The following PRDM5 variants were observed in gnomAD, a reference collection of about 807,000 sequenced individuals.
PRDM5 encodes PR/SET domain 5.
A neutral mutation model predicts 81.2 loss-of-function variants in PRDM5; 56 were observed. That is an observed-to-expected ratio of 0.69 (90% CI 0.56 to 0.86). The LOEUF is 0.86. Ranked by LOEUF, PRDM5 falls within the 40% of genes least tolerant of loss-of-function variation. The pLI, the probability that PRDM5 is intolerant of heterozygous loss-of-function variation, is 0.00. For missense variants in PRDM5, 697 were observed against 770.1 expected (o/e 0.91, Z 1.12); for synonymous variants, 267 against 256.4 (o/e 1.04, Z -0.39).
At chr4:120,691,186 T>C (rs1019559401), downstream of PRDM5, among the ~76,000 whole-genome samples, 4 of 152,134 alleles carry the variant, frequency 2.6e-5, no homozygotes, top group Non-Finnish European at 5.9e-5. Flanking sequence ...ATATAAGTAG[T>C]TGTTACATTC....
At chr4:120,916,576 A>G (rs1724200183) in intron 1 of PRDM5, among the ~76,000 whole-genome samples, 1 of 152,208 alleles carries the variant, frequency 6.6e-6, no homozygotes, top group Non-Finnish European at 1.5e-5. Flanking sequence ...GTGACATTTT[A>G]AAGAATGGGA....
chr4:120,806,512 T>C (rs558414285), intron 8 of PRDM5, among the ~76,000 whole-genome samples: 1 of 152,048 alleles, frequency 6.6e-6, no homozygotes, highest in Admixed American at 6.5e-5. Context: ...TATAGACCAA[T>C]GGAACAGAAC....
intron 14 of PRDM5, among the ~76,000 whole-genome samples, chr4:120,728,533 A>G (rs1224787898): frequency 6.6e-6 from 1 of 152,192 alleles, no homozygotes; most frequent in Non-Finnish European, 1.5e-5. Flanking sequence ...AATATTCATA[A>G]AAAGACTCGT....
At chr4:120,861,234 C>T (rs1760533595) in intron 2 of PRDM5, among the ~76,000 whole-genome samples, 1 of 152,122 alleles carries the variant, frequency 6.6e-6, no homozygotes, top group South Asian at 2.1e-4. Context: ...TCTCAAACTC[C>T]TGACCTCAAG....
At chr4:120,744,893 T>C (rs908925319) in intron 14 of PRDM5, among the ~76,000 whole-genome samples, 17 of 124,474 alleles carry the variant, frequency 1.4e-4, no homozygotes, top group Non-Finnish European at 2.9e-4. Context: ...ACTATTCCAA[T>C]CAATAGAAAA....
chr4:120,691,463 A>T (rs1396189013), downstream of PRDM5, among the ~76,000 whole-genome samples: 4 of 152,152 alleles, frequency 2.6e-5, no homozygotes, highest in Admixed American at 2.6e-4. Context: ...ATCTCACAAG[A>T]TTGGGGCAAC....
At chr4:120,847,969 C>A (rs1758846174) in intron 3 of PRDM5, among the ~76,000 whole-genome samples, 1 of 152,150 alleles carries the variant, frequency 6.6e-6, no homozygotes, top group Non-Finnish European at 1.5e-5. Context: ...CTACACCCAA[C>A]CTGACAGGCT....
intron 14 of PRDM5, among the ~76,000 whole-genome samples, chr4:120,743,299 C>A (rs1348082116): frequency 6.6e-6 from 1 of 151,734 alleles, no homozygotes; most frequent in Non-Finnish European, 1.5e-5. Flanking sequence ...AGGAAAGGAA[C>A]AACCGGTACC....
At chr4:120,849,899 T>A (rs147487477) in intron 3 of PRDM5, among the ~76,000 whole-genome samples, 1 of 152,166 alleles carries the variant, frequency 6.6e-6, no homozygotes, top group African/African-American at 2.4e-5. Flanking sequence ...CTAGCCATAG[T>A]TGGAAACTTT....
At chr4:120,755,211 C>T (rs1744558979) in intron 13 of PRDM5, among the ~76,000 whole-genome samples, 1 of 152,144 alleles carries the variant, frequency 6.6e-6, no homozygotes. Context: ...CACCTAGAGG[C>T]TATAATTTTG....
chr4:120,799,602 G>T, intron 9 of PRDM5, 59 bp downstream of exon 9: 1 of 1,583,686 alleles, frequency 6.3e-7, no homozygotes, highest in Non-Finnish European at 8.6e-7. Flanking sequence ...TTTATAAAAA[G>T]TGACAATGTA....
chr4:120,847,120 C>G (rs17051268), intron 3 of PRDM5, among the ~76,000 whole-genome samples: 18,248 of 152,074 alleles, frequency 0.12, 1,302 homozygotes, highest in East Asian at 0.16. Flanking sequence ...ATTCTCCCCA[C>G]TGATCACTGC....
At chr4:120,741,684 A>C (rs1392370307) in intron 14 of PRDM5, among the ~76,000 whole-genome samples, 2 of 152,150 alleles carry the variant, frequency 1.3e-5, no homozygotes, top group East Asian at 3.9e-4. Flanking sequence ...CCTGGAAAAT[A>C]GGGTCACTCC....
chr4:120,806,057 GAAAA>G (rs1277353724), intron 8 of PRDM5, among the ~76,000 whole-genome samples: 2 of 152,032 alleles, frequency 1.3e-5, no homozygotes, highest in Non-Finnish European at 2.9e-5. Context: ...ACCAATAACA[GAAAA>G]ACAGAGAGCC....
intron 11 of PRDM5, among the ~76,000 whole-genome samples, chr4:120,782,075 T>A (rs1336072568): frequency 6.6e-6 from 1 of 152,204 alleles, no homozygotes; most frequent in African/African-American, 2.4e-5. Flanking sequence ...TATAATGCTA[T>A]TTTTATAGTT....
chr4:120,916,874 T>C (rs1724234863), intron 1 of PRDM5, among the ~76,000 whole-genome samples: 1 of 152,154 alleles, frequency 6.6e-6, no homozygotes, highest in African/African-American at 2.4e-5. Flanking sequence ...AAGTAGCCAC[T>C]ATCTTGGTCT....
chr4:120,793,716 C>G (rs1461814199), intron 10 of PRDM5, among the ~76,000 whole-genome samples: 1 of 152,154 alleles, frequency 6.6e-6, no homozygotes, highest in African/African-American at 2.4e-5. Context: ...AGCTAATTAA[C>G]ATATCCATTA....
chr4:120,737,400 A>G (rs1305762052), intron 14 of PRDM5, among the ~76,000 whole-genome samples: 3 of 152,226 alleles, frequency 2.0e-5, no homozygotes, highest in Non-Finnish European at 4.4e-5. Flanking sequence ...AGCAACAAGG[A>G]AGGGCAACTG....
chr4:120,803,969 CAG>C (rs1752520075), intron 8 of PRDM5, among the ~76,000 whole-genome samples: 2 of 152,124 alleles, frequency 1.3e-5, no homozygotes, highest in Non-Finnish European at 2.9e-5. Context: ...ATCTCACGTG[CAG>C]AGTCACAAAT....
Sources: allele counts gnomAD v4.1 joint callset (sites outside exome capture counted in the v4.1 genomes callset), GRCh38; gene constraint gnomAD v4.1.1; transcripts MANE v1.5; gene names NCBI Gene and HGNC (gene_info 2026-07-23, HGNC 2026-07-21).